ADAMTS14: variants seen among roughly 807,000 people sequenced by gnomAD.
The protein encoded by ADAMTS14 is ADAM metallopeptidase with thrombospondin type 1 motif 14.
In ADAMTS14, 100 loss-of-function variants were observed where a neutral mutation model predicts 128.6. The observed-to-expected ratio is 0.78, with a 90% CI of 0.66 to 0.92. The LOEUF (loss-of-function observed/expected upper bound fraction) is 0.92, where lower values mean the gene tolerates loss of function less well. Ranked by LOEUF, ADAMTS14 falls within the 40% of genes least tolerant of loss-of-function variation. The pLI is 0.00. For missense variants in ADAMTS14, 1,562 were observed against 1,658.6 expected (o/e 0.94, Z 1.01); for synonymous variants, 665 against 653.8 (o/e 1.02, Z -0.26).
At chr10:70,710,271 G>T (rs1002740820) in intron 4 of ADAMTS14, among the ~76,000 whole-genome samples, 4 of 152,228 alleles carry the variant, frequency 2.6e-5, no homozygotes, top group Admixed American at 6.5e-5. Context: ...CCAGGTTAAT[G>T]GCTCATCATA....
At chr10:70,707,466 C>A (rs1387665159) in intron 3 of ADAMTS14, among the ~76,000 whole-genome samples, 1 of 152,088 alleles carries the variant, frequency 6.6e-6, no homozygotes, top group Non-Finnish European at 1.5e-5. Context: ...CTTGACAGAC[C>A]CCAGCCTCCT....
chr10:70,738,746 C>T (rs1564548814), intron 10 of ADAMTS14, 96 bp from the exon 11 acceptor site: 33 of 1,560,196 alleles, frequency 2.1e-5, no homozygotes, highest in South Asian at 1.1e-4. Context: ...TCTGCCTAAA[C>T]CCAGGCTCAT....
At position 70,674,785 on chromosome 10, in the gene ADAMTS14, C is replaced by T. The variant is rs777004859; in HGVS notation, c.312C>T (p.His104=). Residue 104 remains histidine, a synonymous_variant, in exon 2 of 22, where the codon CAC becomes CAT. Coordinates refer to ENST00000373207, the MANE Select transcript of ADAMTS14 (RefSeq NM_080722.4). Reference sequence around the variant, plus strand: ...TGTGGCCTGGCAGGGTGGGGCGCCACTCCCTCTACTTCAATGTCACTGTTT... The same window carrying T: ...TGTGGCCTGGCAGGGTGGGGCGCCATTCCCTCTACTTCAATGTCACTGTTT... The part of the protein sequence containing the change: ...GTLWPGRVGR[H]SLYFNVTVFG... 1 of 1,613,610 alleles carries T rather than the reference C, an allele frequency of 6.2e-7. No individual in the cohort carries two copies. Among genetic ancestry groups the T allele is most frequent in the Admixed American group, 1.7e-5 (1 of 60,026 alleles).
chr10:70,702,150 A>G (rs1030021785), intron 2 of ADAMTS14, among the ~76,000 whole-genome samples, 162 bp from the exon 3 acceptor site: 2 of 152,176 alleles, frequency 1.3e-5, no homozygotes, highest in Non-Finnish European at 2.9e-5. Flanking sequence ...CCAGGGCCTC[A>G]TAGAACATCC....
intron 2 of ADAMTS14, among the ~76,000 whole-genome samples, chr10:70,696,928 G>A (rs1395435034): frequency 6.6e-6 from 1 of 152,138 alleles, no homozygotes; most frequent in Non-Finnish European, 1.5e-5. Flanking sequence ...ATCCTTGTGT[G>A]TATCACCCCA....
chr10:70,706,277 A>G (rs1468264526), intron 3 of ADAMTS14, among the ~76,000 whole-genome samples: 1 of 152,214 alleles, frequency 6.6e-6, no homozygotes, highest in Non-Finnish European at 1.5e-5. Flanking sequence ...GCCTGAGTTT[A>G]CATTCCGGGC....
Position 70,672,570 on chromosome 10 carries a change from C to T in ADAMTS14, c.-233C>T, listed in dbSNP as rs1179377149. On this transcript the variant is annotated 5_prime_UTR_variant, in exon 1 of 22. Transcript: ENST00000373207. ...CCGGGTGCGCTGGCGCGTCAGTGGCCCCGCTCTCCAGCCGGCAGCCTCGCG... is the reference window on the plus strand; with the variant it reads ...CCGGGTGCGCTGGCGCGTCAGTGGCTCCGCTCTCCAGCCGGCAGCCTCGCG... 2.0e-5 allele frequency among the ~76,000 whole-genome samples: 3 copies of T among 151,544 alleles called. No individual in the cohort carries two copies. The highest frequency in any genetic ancestry group is 4.4e-5 in the Non-Finnish European group (3 of 67,780).
rs528006490 is a variant in ADAMTS14, at chr10:70,762,120, G to A, written c.*1267G>A. On this transcript the variant is annotated 3_prime_UTR_variant, in exon 22 of 22. Coordinates refer to ENST00000373207, the MANE Select transcript of ADAMTS14 (RefSeq NM_080722.4). ...TGGCAGGGGGTCCCAGGACACCTCC[G>A]GGGTCTTGGAGGATGTCTCCTAAAC... The A allele has an allele frequency of 2.0e-4, 30 of 152,610 alleles. No homozygotes were observed. The highest frequency in any genetic ancestry group is 6.5e-4 in the African/African-American group (27 of 41,516). The allele number at this position is 152,610 out of a possible 1,614,324, so 9.5% of individuals were successfully genotyped here.
At chr10:70,681,458 A>G (rs1260975035) in intron 2 of ADAMTS14, among the ~76,000 whole-genome samples, 1 of 152,152 alleles carries the variant, frequency 6.6e-6, no homozygotes, top group East Asian at 1.9e-4. Flanking sequence ...GAAAATGTCA[A>G]CCTCACCATG....
intron 2 of ADAMTS14, among the ~76,000 whole-genome samples, chr10:70,692,080 T>G (rs1184103758): frequency 6.6e-6 from 1 of 152,016 alleles, no homozygotes; most frequent in Middle Eastern, 3.2e-3. Flanking sequence ...CAGAATGCAC[T>G]GACTCCTGAG....
At chr10:70,739,099 G>A in intron 11 of ADAMTS14, 109 bp downstream of exon 11, 1 of 1,366,714 alleles carries the variant, frequency 7.3e-7, no homozygotes, top group Non-Finnish European at 9.7e-7. Flanking sequence ...GGCCCCTGTG[G>A]GTGGTTGTGT....
chr10:70,754,503 G>A (rs1159449108), intron 19 of ADAMTS14, among the ~76,000 whole-genome samples: 1 of 152,160 alleles, frequency 6.6e-6, no homozygotes, highest in Non-Finnish European at 1.5e-5. Flanking sequence ...ATGGAGGGCG[G>A]TCAGAGGGCT....
chr10:70,709,694 A>G (rs900105897), intron 4 of ADAMTS14, among the ~76,000 whole-genome samples: 1 of 151,828 alleles, frequency 6.6e-6, no homozygotes, highest in African/African-American at 2.4e-5. Context: ...TAGAGACGGG[A>G]TTTCACTGTG....
At chr10:70,753,700 A>G in intron 18 of ADAMTS14, 100 bp from the exon 19 acceptor site, 1 of 1,298,494 alleles carries the variant, frequency 7.7e-7, no homozygotes. Context: ...ACCCAAACCC[A>G]CTCTCTGGCT....
At chr10:70,679,951 C>CG (rs1839754933) in intron 2 of ADAMTS14, among the ~76,000 whole-genome samples, 1 of 151,758 alleles carries the variant, frequency 6.6e-6, no homozygotes, top group African/African-American at 2.4e-5. Context: ...TGGGGTGGGG[C>CG]GGGGGGAGTT....
intron 12 of ADAMTS14, among the ~76,000 whole-genome samples, chr10:70,742,937 C>T (rs1842050159): frequency 6.6e-6 from 1 of 152,106 alleles, no homozygotes; most frequent in African/African-American, 2.4e-5. Context: ...TTTCACGCAG[C>T]CTTCTAATGT....
chr10:70,715,449 C>A (rs541934193), intron 4 of ADAMTS14, among the ~76,000 whole-genome samples: 2 of 152,096 alleles, frequency 1.3e-5, no homozygotes, highest in Non-Finnish European at 2.9e-5. Context: ...CAGCGAGGCC[C>A]CTTCCAGACC....
chr10:70,739,062 C>T (rs1290480710), intron 11 of ADAMTS14, 72 bp downstream of exon 11: 2 of 1,519,436 alleles, frequency 1.3e-6, no homozygotes, highest in Admixed American at 1.9e-5. Flanking sequence ...GAGGGGAAGG[C>T]ACTGGGGAGA....
At chr10:70,699,244 C>T (rs992731415) in intron 2 of ADAMTS14, among the ~76,000 whole-genome samples, 1 of 152,118 alleles carries the variant, frequency 6.6e-6, no homozygotes, top group Non-Finnish European at 1.5e-5. Context: ...GTTACTTAAC[C>T]CTTCTGAACC....
Sources: allele counts gnomAD v4.1 joint callset (sites outside exome capture counted in the v4.1 genomes callset), GRCh38; gene constraint gnomAD v4.1.1; transcripts MANE v1.5; gene names NCBI Gene and HGNC (gene_info 2026-07-23, HGNC 2026-07-21).